RALYL: variants seen among roughly 807,000 people sequenced by gnomAD.
RALYL encodes RALY RNA binding protein like, also known as RNA-binding Raly-like protein.
Under a neutral mutation model 35.1 loss-of-function variants are expected in RALYL, and 29 were observed. The ratio of observed to expected loss-of-function variants is 0.83; its 90% CI spans 0.61 to 1.13. The LOEUF (loss-of-function observed/expected upper bound fraction) is 1.13, where lower values mean the gene tolerates loss of function less well. Among genes scored for constraint, RALYL ranks in the 50% most tolerant of loss-of-function variants. The pLI is 0.00. For missense variants in RALYL, 359 were observed against 360.4 expected (o/e 1.00, Z 0.03); for synonymous variants, 120 against 127.6 (o/e 0.94, Z 0.40).
chr8:84,463,936 C>T (rs1279387819), intron 1 of RALYL, among the ~76,000 whole-genome samples: 2 of 151,936 alleles, frequency 1.3e-5, no homozygotes, highest in African/African-American at 4.8e-5. Flanking sequence ...TGCTTTGTAT[C>T]CCTATAGTTT....
intron 4 of RALYL, among the ~76,000 whole-genome samples, chr8:84,806,772 T>C (rs1444864694): frequency 3.3e-5 from 5 of 152,122 alleles, no homozygotes; most frequent in Non-Finnish European, 5.9e-5. Flanking sequence ...CAAAAGTATG[T>C]ATGCTAAGGT....
chr8:84,407,001 CCT>C (rs151279468), intron 1 of RALYL, among the ~76,000 whole-genome samples: 1,899 of 148,618 alleles, frequency 0.013, 34 homozygotes, highest in African/African-American at 0.041. Context: ...TCTCTCTCTC[CCT>C]CTCTCTCTCT....
chr8:84,700,905 AT>A (rs997326679), intron 2 of RALYL, among the ~76,000 whole-genome samples: 1 of 152,160 alleles, frequency 6.6e-6, no homozygotes, highest in African/African-American at 2.4e-5. Context: ...GTTGAAAATT[AT>A]TTGGTTGTTA....
intron 1 of RALYL, among the ~76,000 whole-genome samples, chr8:84,326,614 T>C (rs1255696099): frequency 6.6e-6 from 1 of 152,186 alleles, no homozygotes; most frequent in Non-Finnish European, 1.5e-5. Flanking sequence ...AATAAATACA[T>C]ACGTTTATAT....
At chr8:84,736,169 TA>T (rs1847277937) in intron 2 of RALYL, among the ~76,000 whole-genome samples, 1 of 152,118 alleles carries the variant, frequency 6.6e-6, no homozygotes, top group African/African-American at 2.4e-5. Context: ...CCCAGTGCAG[TA>T]AATATATTCA....
intron 1 of RALYL, among the ~76,000 whole-genome samples, chr8:84,469,060 A>C (rs1381809751): frequency 6.6e-6 from 1 of 151,952 alleles, no homozygotes; most frequent in Non-Finnish European, 1.5e-5. Flanking sequence ...TTTTTTTTCA[A>C]AGTTTTCAAC....
chr8:84,651,506 G>A (rs964089385), intron 2 of RALYL, among the ~76,000 whole-genome samples: 23 of 151,986 alleles, frequency 1.5e-4, no homozygotes, highest in Admixed American at 7.2e-4. Flanking sequence ...GGTTTTGGCA[G>A]CAATTAAATT....
chr8:84,764,009 C>A (rs1476928588), intron 2 of RALYL, among the ~76,000 whole-genome samples: 1 of 82,150 alleles, frequency 1.2e-5, no homozygotes, highest in African/African-American at 5.7e-5. Flanking sequence ...AACAAAAGAA[C>A]AGAGACAGAT....
At position 84,724,685 on chromosome 8, in the gene RALYL, GT is replaced by G. The variant is rs200071039; in HGVS notation, c.257-49890del. Among the ~76,000 whole-genome samples the G allele has an allele frequency of 3.8e-3, 570 of 151,772 alleles. 4 individuals are homozygous for G. The highest frequency in any genetic ancestry group is 0.01 in the Admixed American group (154 of 15,190). The stretch of plus-strand genomic sequence containing the variant: ...ATATCCTGCTTCATATTTTATCAAA[GT>G]TTTCAATTATCCCATTGGATTTTAT... On this transcript the variant is annotated intron_variant, in intron 2 of 8. Transcript: ENST00000521268.
At chr8:84,469,796 G>A (rs572144018) in intron 1 of RALYL, among the ~76,000 whole-genome samples, 20 of 151,924 alleles carry the variant, frequency 1.3e-4, no homozygotes, top group South Asian at 8.3e-4. Context: ...GCGAGACTCC[G>A]TGGGCATAGG....
chr8:84,411,035 C>G (rs1410658387), intron 1 of RALYL, among the ~76,000 whole-genome samples: 1 of 151,802 alleles, frequency 6.6e-6, no homozygotes, highest in Non-Finnish European at 1.5e-5. Context: ...TATGACAATG[C>G]AAACTTTTTT....
At chr8:84,843,073 C>G (rs989121045) in intron 4 of RALYL, among the ~76,000 whole-genome samples, 35 of 152,292 alleles carry the variant, frequency 2.3e-4, no homozygotes, top group African/African-American at 8.4e-4. Flanking sequence ...GGGATGCCCT[C>G]TCTCACCACT....
At chr8:84,910,233 T>A (rs1233636982) in intron 8 of RALYL, among the ~76,000 whole-genome samples, 2 of 152,060 alleles carry the variant, frequency 1.3e-5, no homozygotes, top group South Asian at 2.1e-4. Context: ...ATTCTAAACA[T>A]GGCATGGTTC....
At chr8:84,893,556 A>G (rs560954585) in intron 8 of RALYL, among the ~76,000 whole-genome samples, 1 of 152,322 alleles carries the variant, frequency 6.6e-6, no homozygotes, top group African/African-American at 2.4e-5. Context: ...GCTTCTGTGA[A>G]CACTCTAGGA....
At chr8:84,280,417 C>T (rs761039651) in intron 1 of RALYL, among the ~76,000 whole-genome samples, 1 of 151,946 alleles carries the variant, frequency 6.6e-6, no homozygotes, top group Non-Finnish European at 1.5e-5. Context: ...AATATATCCA[C>T]CTACTTTCCT....
At chr8:84,728,060 CA>C (rs1347098528) in intron 2 of RALYL, among the ~76,000 whole-genome samples, 2 of 151,672 alleles carry the variant, frequency 1.3e-5, no homozygotes, top group Non-Finnish European at 2.9e-5. Context: ...CTGACTTCCA[CA>C]AGGGTTGAAC....
intron 1 of RALYL, among the ~76,000 whole-genome samples, chr8:84,376,963 G>A (rs557351492): frequency 2.0e-5 from 3 of 151,912 alleles, no homozygotes; most frequent in Admixed American, 6.6e-5. Context: ...TGAAGCTGAG[G>A]AAGAGCCACT....
At chr8:84,463,918 C>T (rs548973375) in intron 1 of RALYL, among the ~76,000 whole-genome samples, 3 of 152,056 alleles carry the variant, frequency 2.0e-5, no homozygotes, top group Non-Finnish European at 4.4e-5. Flanking sequence ...GCCTGGCAAC[C>T]ACTGGTCTGC....
intron 2 of RALYL, among the ~76,000 whole-genome samples, chr8:84,770,661 C>T (rs1050522313): frequency 6.6e-6 from 1 of 152,088 alleles, no homozygotes; most frequent in African/African-American, 2.4e-5. Flanking sequence ...TTACATTCCC[C>T]CACCAGTGTA....
Sources: allele counts gnomAD v4.1 joint callset (sites outside exome capture counted in the v4.1 genomes callset), GRCh38; gene constraint gnomAD v4.1.1; transcripts MANE v1.5; gene names NCBI Gene and HGNC (gene_info 2026-07-23, HGNC 2026-07-21).